TMCO4: variants seen among roughly 807,000 people sequenced by gnomAD.
The protein encoded by TMCO4 is transmembrane and coiled-coil domains 4.
TMCO4 carries 58 observed loss-of-function variants against 64.7 expected under a neutral mutation model. That is an observed-to-expected ratio of 0.90 (90% CI 0.73 to 1.12). The LOEUF (loss-of-function observed/expected upper bound fraction) is 1.12, where lower values mean the gene tolerates loss of function less well. TMCO4 is among the 50% of genes most tolerant of loss of function. TMCO4 has a pLI of 0.00. For synonymous variants in TMCO4, 325 were observed against 346.1 expected (o/e 0.94, Z 0.68); for missense variants, 780 against 825.9 (o/e 0.94, Z 0.68).
intron 13 of TMCO4, among the ~76,000 whole-genome samples, chr1:19,725,129 G>A (rs776830157): frequency 2.0e-5 from 3 of 152,166 alleles, no homozygotes; most frequent in Non-Finnish European, 2.9e-5. Flanking sequence ...AATTGAGCCC[G>A]CTTACAGATG....
intron 13 of TMCO4, among the ~76,000 whole-genome samples, chr1:19,723,830 G>C (rs908543971): frequency 6.6e-6 from 1 of 151,962 alleles, no homozygotes; most frequent in African/African-American, 2.4e-5. Context: ...AGGGTGAAGC[G>C]GGTCACCTGG....
At chr1:19,771,507 C>G (rs1557600588) in intron 4 of TMCO4, 25 bp from the exon 5 acceptor site, 1 of 1,608,356 alleles carries the variant, frequency 6.2e-7, no homozygotes. Context: ...TGGCTTAGTT[C>G]TCCAGGATCC....
intron 15 of TMCO4, among the ~76,000 whole-genome samples, chr1:19,691,032 C>A (rs1570628074): frequency 6.6e-6 from 1 of 152,120 alleles, no homozygotes; most frequent in East Asian, 1.9e-4. Flanking sequence ...CCACACCTGG[C>A]TAATTTTTTG....
chr1:19,716,035 G>A (rs1367031669), intron 13 of TMCO4, among the ~76,000 whole-genome samples: 2 of 152,172 alleles, frequency 1.3e-5, no homozygotes, highest in Non-Finnish European at 2.9e-5. Context: ...TAAAGGGACA[G>A]GCCGGGTGCA....
At chr1:19,697,022 T>A (rs1319741673) in intron 14 of TMCO4, among the ~76,000 whole-genome samples, 1 of 152,166 alleles carries the variant, frequency 6.6e-6, no homozygotes, top group Non-Finnish European at 1.5e-5. Flanking sequence ...TCTCCTCAGG[T>A]TATCTTAGCT....
chr1:19,685,652 T>G (rs11804138), intron 15 of TMCO4, among the ~76,000 whole-genome samples: 72 of 151,636 alleles, frequency 4.7e-4, no homozygotes, highest in African/African-American at 1.7e-3. Flanking sequence ...TAAAGTGACT[T>G]ACCCAAGGTC....
At chr1:19,756,424 TA>T (rs975276353) in intron 6 of TMCO4, among the ~76,000 whole-genome samples, 2 of 151,064 alleles carry the variant, frequency 1.3e-5, no homozygotes, top group African/African-American at 4.9e-5. Context: ...ATCAACAACT[TA>T]AAAAAAAATA....
chr1:19,746,349 T>C, intron 9 of TMCO4, 107 bp downstream of exon 9: 2 of 1,499,716 alleles, frequency 1.3e-6, no homozygotes, highest in Non-Finnish European at 1.8e-6. Flanking sequence ...ACGTCTCCTC[T>C]GTCTCCCAGG....
intron 6 of TMCO4, among the ~76,000 whole-genome samples, chr1:19,768,957 C>T (rs372708954): frequency 6.6e-6 from 1 of 152,288 alleles, no homozygotes; most frequent in African/African-American, 2.4e-5. Context: ...ATGCTAATAA[C>T]AAGAATCCCC....
intron 15 of TMCO4, among the ~76,000 whole-genome samples, chr1:19,685,706 G>GTTTC (rs1557442883): frequency 4.0e-5 from 2 of 49,876 alleles, no homozygotes. Context: ...ATCCAGGCCT[G>GTTTC]TTTCTTTTTT....
intron 6 of TMCO4, among the ~76,000 whole-genome samples, chr1:19,765,717 T>C (rs2042707134): frequency 6.6e-6 from 1 of 152,006 alleles, no homozygotes; most frequent in Non-Finnish European, 1.5e-5. Flanking sequence ...AAGGAAATGA[T>C]TAGCATGCAC....
intron 2 of TMCO4, among the ~76,000 whole-genome samples, chr1:19,789,126 G>C (rs1353600418): frequency 1.3e-5 from 2 of 151,654 alleles, no homozygotes; most frequent in East Asian, 2.0e-4. Context: ...TTTCAGCCAG[G>C]TGTAGTGGCT....
intron 6 of TMCO4, among the ~76,000 whole-genome samples, chr1:19,761,194 C>A (rs777687873): frequency 6.6e-6 from 1 of 152,192 alleles, no homozygotes; most frequent in Non-Finnish European, 1.5e-5. Flanking sequence ...AGCCTGGGTG[C>A]AGATGCTGTG....
chr1:19,714,685 G>A (rs1489619060), intron 13 of TMCO4, among the ~76,000 whole-genome samples: 1 of 152,190 alleles, frequency 6.6e-6, no homozygotes, highest in Non-Finnish European at 1.5e-5. Context: ...CACTTTGGGT[G>A]GCTGAGGCGA....
At chr1:19,741,946 C>T (rs2095481225) in intron 10 of TMCO4, among the ~76,000 whole-genome samples, 1 of 151,956 alleles carries the variant, frequency 6.6e-6, no homozygotes. Context: ...ATCATATTGG[C>T]CAGGCTGGTC....
chr1:19,747,319 C>T, intron 7 of TMCO4, 59 bp from the exon 8 acceptor site: 3 of 1,429,056 alleles, frequency 2.1e-6, no homozygotes, highest in Middle Eastern at 1.8e-4. Context: ...TTGAGACATC[C>T]CCACCACACC....
chr1:19,714,878 G>A (rs763146552), intron 13 of TMCO4, among the ~76,000 whole-genome samples: 16 of 152,074 alleles, frequency 1.1e-4, no homozygotes, highest in African/African-American at 3.4e-4. Flanking sequence ...AGCCCAGATC[G>A]CGCCACTGCA....
At chr1:19,705,004 G>A (rs1024748083) in intron 13 of TMCO4, among the ~76,000 whole-genome samples, 8 of 152,084 alleles carry the variant, frequency 5.3e-5, no homozygotes, top group African/African-American at 1.2e-4. Flanking sequence ...TCTCTTTGTC[G>A]CTGCTGACCT....
At chr1:19,762,592 T>C (rs2042555087) in intron 6 of TMCO4, among the ~76,000 whole-genome samples, 1 of 152,242 alleles carries the variant, frequency 6.6e-6, no homozygotes, top group Non-Finnish European at 1.5e-5. Flanking sequence ...CTGCGTTTCG[T>C]ACTTCATTAT....
Sources: allele counts gnomAD v4.1 joint callset (sites outside exome capture counted in the v4.1 genomes callset), GRCh38; gene constraint gnomAD v4.1.1; transcripts MANE v1.5; gene names NCBI Gene and HGNC (gene_info 2026-07-23, HGNC 2026-07-21).